TESK2: variants seen among roughly 807,000 people sequenced by gnomAD.
The protein encoded by TESK2 is dual specificity testis-specific protein kinase 2.
TESK2 carries 39 observed loss-of-function variants against 57.1 expected under a neutral mutation model. That is an observed-to-expected ratio of 0.68 (90% confidence interval 0.53 to 0.89). The LOEUF is 0.89. Ranked by LOEUF, TESK2 falls within the 40% of genes least tolerant of loss-of-function variation. The probability of loss-of-function intolerance (pLI) is 0.00; values close to 1 mark genes in which losing one functional copy is unlikely to be tolerated. For synonymous variants in TESK2, 249 were observed against 267.9 expected (o/e 0.93, Z 0.69); for missense variants, 646 against 732.1 (o/e 0.88, Z 1.36).
intron 3 of TESK2, among the ~76,000 whole-genome samples, chr1:45,388,674 T>A (rs937266633): frequency 6.6e-6 from 1 of 151,608 alleles, no homozygotes; most frequent in African/African-American, 2.4e-5. Context: ...CCAAAACTCA[T>A]AGTGAAACTT....
At chr1:45,484,232 C>T (rs1322920122) in intron 1 of TESK2, among the ~76,000 whole-genome samples, 10 of 151,466 alleles carry the variant, frequency 6.6e-5, no homozygotes. Flanking sequence ...CCTCGGCCTC[C>T]CGAGTAACTG....
At position 45,399,595 on chromosome 1, in the gene TESK2, G is replaced by A. The variant is rs914992593; in HGVS notation, c.345-13635C>T. On this transcript the variant is annotated intron_variant, in intron 3 of 10. Transcript: ENST00000372086. The stretch of plus-strand genomic sequence containing the variant: ...CTCCCAAAGTGCTGGGATTACAGGC[G>A]TGAGCCACTGCACCAGGCCTAATTT... 2.0e-5 allele frequency among the ~76,000 whole-genome samples: 3 copies of A among 152,062 alleles called. No individual in the cohort carries two copies. The East Asian group carries it at 5.8e-4, about 29-fold the overall frequency.
chr1:45,359,453 G>A (rs1192526760), intron 4 of TESK2, among the ~76,000 whole-genome samples: 1 of 151,944 alleles, frequency 6.6e-6, no homozygotes, highest in African/African-American at 2.4e-5. Flanking sequence ...CCAGCTACTC[G>A]GGAGGCTGAG....
chr1:45,394,768 T>C (rs1649291563), intron 3 of TESK2, among the ~76,000 whole-genome samples: 1 of 137,218 alleles, frequency 7.3e-6, no homozygotes, highest in South Asian at 2.5e-4. Context: ...CTTGGTTCAC[T>C]GCACCTCTGC....
At chr1:45,350,455 C>G (rs575593145) in intron 5 of TESK2, among the ~76,000 whole-genome samples, 1 of 152,208 alleles carries the variant, frequency 6.6e-6, no homozygotes, top group Non-Finnish European at 1.5e-5. Flanking sequence ...TGTGGCTTCA[C>G]CTCTTTCCCC....
Position 45,460,768 on chromosome 1 carries a change from AT to A in TESK2, c.-86-2898del, listed in dbSNP as rs139238963. 5.2e-4 allele frequency among the ~76,000 whole-genome samples: 79 copies of A among 152,278 alleles called. 1 individual carries two copies. The highest frequency in any genetic ancestry group is 1.6e-3 in the African/African-American group (67 of 41,558). On this transcript the variant is annotated intron_variant, in intron 1 of 10. Transcript: ENST00000372086. ...AGCAAGACCCCTCATCACTAAAAAA[AT>A]AATAATAATTTTAAAAACCAAATTT... is the stretch of plus-strand genomic sequence containing the variant.
intron 1 of TESK2, among the ~76,000 whole-genome samples, chr1:45,486,816 C>T (rs1653498653): frequency 1.3e-5 from 2 of 149,036 alleles, no homozygotes; most frequent in Non-Finnish European, 3.0e-5. Flanking sequence ...CACACACACA[C>T]ACATATATAC....
intron 1 of TESK2, among the ~76,000 whole-genome samples, chr1:45,467,679 A>T (rs1652609863): frequency 6.6e-6 from 1 of 151,806 alleles, no homozygotes. Context: ...ACAGCTATGT[A>T]GCATGCTTAA....
intron 4 of TESK2, among the ~76,000 whole-genome samples, chr1:45,371,169 G>T (rs1163938712): frequency 6.6e-6 from 1 of 151,770 alleles, no homozygotes; most frequent in Non-Finnish European, 1.5e-5. Flanking sequence ...GTAAAATGGT[G>T]CAACTGCTAC....
At position 45,440,728 on chromosome 1, in the gene TESK2, C is replaced by CAA. The variant is rs541629563; in HGVS notation, c.222+16834_222+16835dup. On this transcript the variant is annotated intron_variant, in intron 2 of 10. Coordinates refer to ENST00000372086, the MANE Select transcript of TESK2 (RefSeq NM_007170.3). ...AAGACTCGGTCTCAAAAAAAAAAAA[C>CAA]AAACAAACAAACAAACAAAATATAT... 5.4e-4 allele frequency among the ~76,000 whole-genome samples: 81 copies of CAA among 149,424 alleles called. No homozygotes were observed. The East Asian group carries it at 0.012, about 23-fold the overall frequency.
At chr1:45,402,216 C>G (rs1048136349) in intron 3 of TESK2, among the ~76,000 whole-genome samples, 1 of 150,750 alleles carries the variant, frequency 6.6e-6, no homozygotes, top group Non-Finnish European at 1.5e-5. Flanking sequence ...ATAGTGAGAC[C>G]CTGTCTCTAA....
intron 2 of TESK2, among the ~76,000 whole-genome samples, chr1:45,437,212 T>G (rs1013595407): frequency 6.6e-6 from 1 of 152,234 alleles, no homozygotes; most frequent in Non-Finnish European, 1.5e-5. Flanking sequence ...TTCTATTTTT[T>G]TGTGTCCTCT....
chr1:45,433,112 G>T (rs1178302679), intron 2 of TESK2, among the ~76,000 whole-genome samples: 1 of 107,208 alleles, frequency 9.3e-6, no homozygotes, highest in African/African-American at 3.7e-5. Context: ...GTCTCACTCT[G>T]TCACTCAGGC....
rs566363776 is a variant in TESK2 at position 45,452,032 on chromosome 1, C to CAAAAAAAAAAAAAAAAAAAAAAAAA, written c.222+5531_222+5532insTTTTTTTTTTTTTTTTTTTTTTTTT. Among the ~76,000 whole-genome samples the CAAAAAAAAAAAAAAAAAAAAAAAAA allele has an allele frequency of 2.6e-3, 270 of 103,598 alleles. 18 individuals are homozygous for CAAAAAAAAAAAAAAAAAAAAAAAAA. Among genetic ancestry groups the CAAAAAAAAAAAAAAAAAAAAAAAAA allele is most frequent in the African/African-American group, 7.7e-3 (181 of 23,482 alleles). 68.0% of individuals were successfully genotyped at this position (103,598 alleles called of 152,430 possible). ...TGGGAGACAGAACAAGACTCCGTCT[C>CAAAAAAAAAAAAAAAAAAAAAAAAA]AAAAAAAAAAAAAAATTTATTTGGT... On this transcript the variant is annotated intron_variant, in intron 2 of 10. Coordinates refer to ENST00000372086, the MANE Select transcript of TESK2 (RefSeq NM_007170.3).
Position 45,346,253 on chromosome 1 carries a change from TC to T in TESK2, c.880-260del, listed in dbSNP as rs1037347420. 5.9e-5 allele frequency among the ~76,000 whole-genome samples: 9 copies of T among 152,214 alleles called. No individual in the cohort carries two copies. In the South Asian group the frequency reaches 1.0e-3, roughly 18 times the overall value. On this transcript the variant is annotated intron_variant, in intron 9 of 10. Coordinates refer to ENST00000372086, the MANE Select transcript of TESK2 (RefSeq NM_007170.3). ...GTATGCTCATATTAGTTTATTCTGT[TC>T]TTGAGTTCTGCTCCTAATGTGTTTC...
At chr1:45,408,099 T>C (rs1649915856) in intron 3 of TESK2, among the ~76,000 whole-genome samples, 1 of 152,166 alleles carries the variant, frequency 6.6e-6, no homozygotes, top group African/African-American at 2.4e-5. Context: ...CAAGGCTTCC[T>C]TTTTATTTTT....
At chr1:45,391,031 C>T (rs1238764762) in intron 3 of TESK2, among the ~76,000 whole-genome samples, 2 of 151,762 alleles carry the variant, frequency 1.3e-5, no homozygotes, top group Middle Eastern at 3.4e-3. Context: ...CATTCTCCTG[C>T]CCCAGCCTCC....
At chr1:45,384,363 GTATCTATC>G (rs146751721) in intron 4 of TESK2, among the ~76,000 whole-genome samples, 74 of 146,926 alleles carry the variant, frequency 5.0e-4, no homozygotes, top group African/African-American at 1.2e-3. Context: ...ATGTACGTAC[GTATCTATC>G]TATCTATCTA....
chr1:45,383,023 T>C (rs1648727055), intron 4 of TESK2, among the ~76,000 whole-genome samples: 1 of 152,260 alleles, frequency 6.6e-6, no homozygotes, highest in Non-Finnish European at 1.5e-5. Context: ...CTAATGTATA[T>C]GGGAAATATT....
Sources: gnomAD v4.1 joint callset for allele counts (sites outside exome capture counted in the v4.1 genomes callset) on GRCh38, gnomAD v4.1.1 for gene constraint, MANE v1.5 for transcripts, NCBI Gene and HGNC (gene_info 2026-07-23, HGNC 2026-07-21) for gene names.